Variants in PTCHD4 observed in about 807,000 individuals in gnomAD.
PTCHD4 encodes patched domain containing 4.
PTCHD4 carries 33 observed loss-of-function variants against 58.1 expected under a neutral mutation model. The observed-to-expected ratio is 0.57, with a 90% confidence interval of 0.43 to 0.76. PTCHD4 has a LOEUF of 0.76. Ranked by LOEUF, PTCHD4 falls within the 30% of genes least tolerant of loss-of-function variation. The probability of loss-of-function intolerance (pLI) is 0.00; values close to 1 mark genes in which losing one functional copy is unlikely to be tolerated. For synonymous variants in PTCHD4, 478 were observed against 409.6 expected, an observed-to-expected ratio of 1.17 and a Z score of -2.02; for missense variants, 1,058 against 1,027.1, an observed-to-expected ratio of 1.03 and a Z score of -0.41.
intron 1 of PTCHD4, among the ~76,000 whole-genome samples, chr6:48,077,179 G>A (rs1423860175): frequency 6.6e-6 from 1 of 152,168 alleles, no homozygotes; most frequent in Non-Finnish European, 1.5e-5. Flanking sequence ...TCCAGGCTTT[G>A]TTGTTTCATT....
intron 4 of PTCHD4, among the ~76,000 whole-genome samples, chr6:47,890,237 G>C (rs2114122812): frequency 6.6e-6 from 1 of 151,716 alleles, no homozygotes; most frequent in Middle Eastern, 3.4e-3. Flanking sequence ...TATATGGAGA[G>C]AAAAAGTGAG....
At position 47,856,798 on chromosome 6, in the gene PTCHD4, T is replaced by C; in HGVS notation, c.*21505A>G. Among the ~76,000 whole-genome samples the C allele has an allele frequency of 6.6e-6, 1 of 152,098 alleles. No homozygotes were observed. Reference sequence around the variant, plus strand: ...GAACATTTTATACCTAATAAAAAAGTTAAAATAATTAACAGCATTCATCAG... The same window carrying C: ...GAACATTTTATACCTAATAAAAAAGCTAAAATAATTAACAGCATTCATCAG... On this transcript the variant is annotated 3_prime_UTR_variant, in exon 5 of 5. Coordinates refer to ENST00000339488, the MANE Select transcript of PTCHD4 (RefSeq NM_001384253.1).
intron 3 of PTCHD4, among the ~76,000 whole-genome samples, chr6:48,009,955 G>A (rs938723399): frequency 6.6e-6 from 1 of 152,206 alleles, no homozygotes; most frequent in Non-Finnish European, 1.5e-5. Context: ...GCTCTTTAAG[G>A]CACATGTATG....
At chr6:47,913,060 G>C (rs532179730) in intron 4 of PTCHD4, among the ~76,000 whole-genome samples, 1 of 152,082 alleles carries the variant, frequency 6.6e-6, no homozygotes, top group Non-Finnish European at 1.5e-5. Flanking sequence ...TTTACAGTTT[G>C]TATTTGTTAA....
intron 1 of PTCHD4, among the ~76,000 whole-genome samples, chr6:48,071,186 T>G (rs1416761188): frequency 6.6e-6 from 1 of 152,132 alleles, no homozygotes; most frequent in Admixed American, 6.5e-5. Context: ...AATATGTCAG[T>G]GTTATTGTCT....
chr6:48,062,894 G>A (rs1389686132), intron 3 of PTCHD4, among the ~76,000 whole-genome samples: 2 of 152,006 alleles, frequency 1.3e-5, no homozygotes, highest in East Asian at 3.9e-4. Flanking sequence ...ACAATCCCTG[G>A]CCTGACTCTA....
chr6:47,878,672 G>A lies in PTCHD4; in HGVS notation c.2163C>T (p.Phe721=), dbSNP rs751068828. The change falls in exon 5 of 5, where the codon TTC becomes TTT. Residue 721 remains phenylalanine (F), a synonymous_variant. Coordinates refer to ENST00000339488, the MANE Select transcript of PTCHD4 (RefSeq NM_001384253.1). ...SILCLIYTLN[F]AIDHCAPLLF... ...GCAGTGGTGCACAGTGGTCAATGGC[G>A]AAATTCAAGGTGTAGATAAGGCACA... The A allele has an allele frequency of 2.5e-6, 4 of 1,613,442 alleles. No individual in the cohort carries two copies. The highest frequency in any genetic ancestry group is 2.7e-5 in the African/African-American group (2 of 74,874).
At chr6:48,055,118 C>T (rs955294259) in intron 3 of PTCHD4, among the ~76,000 whole-genome samples, 5 of 152,130 alleles carry the variant, frequency 3.3e-5, no homozygotes, top group African/African-American at 1.2e-4. Context: ...AAGACAGACT[C>T]GATCAATAAC....
At chr6:48,104,038 T>G (rs987083823) in intron 1 of PTCHD4, among the ~76,000 whole-genome samples, 18 of 152,166 alleles carry the variant, frequency 1.2e-4, no homozygotes, top group African/African-American at 4.3e-4. Context: ...CAGGATATTA[T>G]CCAGGAGAAC....
At chr6:48,003,673 C>A (rs912346144) in intron 4 of PTCHD4, among the ~76,000 whole-genome samples, 2 of 152,080 alleles carry the variant, frequency 1.3e-5, no homozygotes, top group Non-Finnish European at 2.9e-5. Flanking sequence ...CAGACCACAC[C>A]CTCTTGTCTC....
intron 1 of PTCHD4, among the ~76,000 whole-genome samples, chr6:48,107,879 T>C (rs1439797138): frequency 1.3e-5 from 2 of 152,044 alleles, no homozygotes; most frequent in African/African-American, 4.8e-5. Context: ...ATCAGAGAAA[T>C]ACAAATCAAA....
At chr6:47,967,737 T>C (rs1184739971) in intron 4 of PTCHD4, among the ~76,000 whole-genome samples, 4 of 152,168 alleles carry the variant, frequency 2.6e-5, no homozygotes, top group African/African-American at 9.7e-5. Flanking sequence ...GGAAACATCT[T>C]CTCTCCCTAA....
At chr6:47,971,040 C>T (rs887470081) in intron 4 of PTCHD4, among the ~76,000 whole-genome samples, 6 of 152,160 alleles carry the variant, frequency 3.9e-5, no homozygotes, top group African/African-American at 1.4e-4. Flanking sequence ...CAGCCAGTTA[C>T]ACCCAAGCAC....
At chr6:48,090,698 A>T (rs1765348623) in intron 1 of PTCHD4, among the ~76,000 whole-genome samples, 1 of 152,198 alleles carries the variant, frequency 6.6e-6, no homozygotes, top group African/African-American at 2.4e-5. Context: ...TAATGCAGAC[A>T]ATACATCATA....
intron 4 of PTCHD4, among the ~76,000 whole-genome samples, chr6:47,923,484 C>T (rs965564702): frequency 6.6e-6 from 1 of 152,130 alleles, no homozygotes; most frequent in Non-Finnish European, 1.5e-5. Context: ...TTGCACAGAT[C>T]GATGTTGCTT....
At chr6:48,094,053 G>T (rs772326790) in intron 1 of PTCHD4, among the ~76,000 whole-genome samples, 13 of 152,170 alleles carry the variant, frequency 8.5e-5, no homozygotes, top group Middle Eastern at 3.2e-3. Context: ...ACATAGAAAA[G>T]AGGCATAGAT....
intron 3 of PTCHD4, among the ~76,000 whole-genome samples, chr6:48,041,874 G>T (rs1435848448): frequency 6.6e-6 from 1 of 151,660 alleles, no homozygotes; most frequent in African/African-American, 2.4e-5. Context: ...GAAATTATTT[G>T]TGAATGTTTA....
chr6:47,934,029 C>CTA (rs1332257285), intron 4 of PTCHD4, among the ~76,000 whole-genome samples: 1 of 152,130 alleles, frequency 6.6e-6, no homozygotes, highest in Non-Finnish European at 1.5e-5. Flanking sequence ...TAAAATGTTA[C>CTA]TATATATATA....
chr6:47,950,459 A>G (rs1766598858), intron 4 of PTCHD4, among the ~76,000 whole-genome samples: 1 of 152,148 alleles, frequency 6.6e-6, no homozygotes, highest in African/African-American at 2.4e-5. Flanking sequence ...TAGAGATGAA[A>G]AGGTTACATA....
Sources: gnomAD v4.1 joint callset for allele counts (sites outside exome capture counted in the v4.1 genomes callset) on GRCh38, gnomAD v4.1.1 for gene constraint, MANE v1.5 for transcripts, NCBI Gene and HGNC (gene_info 2026-07-23, HGNC 2026-07-21) for gene names.